Variants in RHOBTB2 observed in about 807,000 individuals in gnomAD.
RHOBTB2 encodes rho-related BTB domain-containing protein 2.
In RHOBTB2, 39 loss-of-function variants were observed where a neutral mutation model predicts 66.5. The ratio of observed to expected loss-of-function variants is 0.59; its 90% CI spans 0.45 to 0.77. RHOBTB2 has a LOEUF of 0.77. RHOBTB2 is among the 30% of genes least tolerant of loss of function. RHOBTB2 has a pLI of 0.00. For synonymous variants in RHOBTB2, 390 were observed against 395.0 expected (o/e 0.99, Z 0.15); for missense variants, 755 against 999.1 (o/e 0.76, Z 3.29).
In RHOBTB2 at chr8:23,004,942, A is replaced by G. The variant is rs1318569749; in HGVS notation, c.192+316A>G. 4 of 453,020 alleles carry G rather than the reference A, an allele frequency of 8.8e-6. No individual in the cohort carries two copies. The highest frequency in any genetic ancestry group is 3.9e-5 in the African/African-American group (2 of 50,704). The allele number at this position is 453,020 out of a possible 1,614,324, so 28.1% of individuals were successfully genotyped here. The stretch of plus-strand genomic sequence containing the variant: ...GCACTGGAGGGCTGGGGCTTGGAAG[A>G]GATACAAGCTGAGAGGAGCAAAGAA... On this transcript the variant is annotated intron_variant, in intron 2 of 9. Transcript: ENST00000251822. The surrounding 1 kb of genome is among the most constrained non-coding windows in gnomAD (Gnocchi z 6.4).
chr8:23,016,480 C>G (rs537519992), intron 9 of RHOBTB2, among the ~76,000 whole-genome samples: 1 of 152,058 alleles, frequency 6.6e-6, no homozygotes, highest in South Asian at 2.1e-4. Context: ...GGCACAATCT[C>G]GGCTCACTGC....
At chr8:22,998,253 T>G (rs1311456720), upstream of RHOBTB2, among the ~76,000 whole-genome samples, 1 of 152,202 alleles carries the variant, frequency 6.6e-6, no homozygotes, top group Admixed American at 6.5e-5. Flanking sequence ...TGGCAGTAAA[T>G]TTCTCTTCCT....
At chr8:22,978,882 A>T in the RHOBTB2 span, among the ~76,000 whole-genome samples, 1 of 152,142 alleles carries the variant, frequency 6.6e-6, no homozygotes, top group Non-Finnish European at 1.5e-5. Flanking sequence ...ACTTCCTGTT[A>T]TGTTTTCTTA....
upstream of RHOBTB2, among the ~76,000 whole-genome samples, chr8:22,986,140 TTCTCTCTCTC>T (rs58840002): frequency 5.4e-5 from 8 of 147,906 alleles, no homozygotes; most frequent in Non-Finnish European, 4.5e-5. Flanking sequence ...GACGGTGGAC[TTCTCTCTCTC>T]TCTCTCTCTC....
At chr8:22,997,158 G>A (rs1016438997), upstream of RHOBTB2, among the ~76,000 whole-genome samples, 8 of 152,258 alleles carry the variant, frequency 5.3e-5, no homozygotes, top group South Asian at 2.1e-4. Context: ...GTCCCCAGAC[G>A]GCCTAGGGTG....
At chr8:22,990,293 G>A (rs1171864549) in intron 1 of RHOBTB2, among the ~76,000 whole-genome samples, 1 of 152,196 alleles carries the variant, frequency 6.6e-6, no homozygotes, top group African/African-American at 2.4e-5. Flanking sequence ...GTACAGGCAG[G>A]TCAGGTGTAT....
At chr8:23,005,294 C>A in intron 2 of RHOBTB2, 78 bp from the exon 3 acceptor site, 1 of 1,072,424 alleles carries the variant, frequency 9.3e-7, no homozygotes, top group Non-Finnish European at 1.4e-6. Context: ...AGGTGTCAGC[C>A]GGCGCTTATC....
intron 1 of RHOBTB2, 134 bp downstream of exon 1, chr8:23,000,239 G>A: frequency 2.0e-6 from 1 of 510,402 alleles, no homozygotes; most frequent in Non-Finnish European, 2.5e-6. Context: ...TCTGGCTTCG[G>A]CTGCTGGGTA....
the RHOBTB2 span, among the ~76,000 whole-genome samples, chr8:22,981,828 C>T: frequency 6.6e-6 from 1 of 152,226 alleles, no homozygotes. Flanking sequence ...AGTTTAGGGT[C>T]TCAGCCTGGC....
At chr8:22,956,595 TGG>T in the RHOBTB2 span, among the ~76,000 whole-genome samples, 3 of 152,206 alleles carry the variant, frequency 2.0e-5, no homozygotes, top group Admixed American at 2.0e-4. Context: ...GTACAGCCTG[TGG>T]AATCATGAGC....
At chr8:22,959,176 A>T in the RHOBTB2 span, among the ~76,000 whole-genome samples, 1 of 152,258 alleles carries the variant, frequency 6.6e-6, no homozygotes, top group South Asian at 2.1e-4. Context: ...CCTTCGCCGC[A>T]CTACCCCAGC....
At chr8:23,015,551 C>T in intron 8 of RHOBTB2, 87 bp from the exon 9 acceptor site, 1 of 909,166 alleles carries the variant, frequency 1.1e-6, no homozygotes, top group South Asian at 1.5e-5. Flanking sequence ...TGCACCAGAG[C>T]TTCAGCTCTG....
Position 23,002,923 on chromosome 8 carries a change from G to A in RHOBTB2, c.-10-1502G>A, listed in dbSNP as rs371075272. ...ACTCGCACGGATCCCAGTTGCTATC[G>A]TTACTTGGATATTTCGGTCTGCATC... On this transcript the variant is annotated intron_variant, in intron 1 of 9. Transcript: ENST00000251822. Among the ~76,000 whole-genome samples the A allele has an allele frequency of 4.6e-5, 7 of 152,310 alleles. No individual in the cohort carries two copies. In the East Asian group the frequency reaches 1.2e-3, roughly 25 times the overall value.
the RHOBTB2 span, among the ~76,000 whole-genome samples, chr8:22,964,070 C>G: frequency 3.3e-5 from 5 of 152,124 alleles, no homozygotes; most frequent in Non-Finnish European, 7.3e-5. Flanking sequence ...CGTGAGTCAC[C>G]ATGCCCAGCC....
intron 2 of RHOBTB2, chr8:22,994,525 T>A: frequency 7.5e-7 from 1 of 1,331,080 alleles, no homozygotes; most frequent in Non-Finnish European, 1.1e-6. Flanking sequence ...CTGTCTCCCC[T>A]GCCCCGCCCC....
rs776112920 is a variant in RHOBTB2, at chr8:23,014,687, C to T, written c.1772-3C>T. Reference sequence around the variant, plus strand: ...AGCTGATTGGTGGCCGTGTGTGTTACAGAGCAGTACACAGTGACCGGGCTG... The same window carrying T: ...AGCTGATTGGTGGCCGTGTGTGTTATAGAGCAGTACACAGTGACCGGGCTG... On this transcript the variant is annotated splice_polypyrimidine_tract_variant and splice_region_variant and intron_variant, in intron 7 of 9. Transcript: ENST00000251822. The T allele has an allele frequency of 6.2e-7, 1 of 1,613,470 alleles. No individual in the cohort carries two copies. The highest frequency in any genetic ancestry group is 1.7e-5 in the Admixed American group (1 of 60,006).
rs1040553305 is a variant in RHOBTB2 at position 23,010,639 on chromosome 8, C to T, written c.1722C>T (p.Leu574=). 1 of 1,614,198 alleles carries T rather than the reference C, an allele frequency of 6.2e-7. No individual in the cohort carries two copies. Residue 574 remains leucine (L), a synonymous_variant, in exon 7 of 10, where the codon CTC becomes CTT. Coordinates refer to ENST00000251822, the MANE Select transcript of RHOBTB2 (RefSeq NM_015178.3). ...GCCCCGACCTGGATGACATGAAGCT[C>T]ATCATTCTAGCCAACCGCCTCTGCC... ...TSSPDLDDMK[L]IILANRLCLP...
Position 23,004,780 on chromosome 8 carries a change from G to A in RHOBTB2, c.192+154G>A. ...GCAGCTGAAGAGGAAGGAGCCCCTG[G>A]AGAGAGGTTTAAGCCAAGTCTGCCC... On this transcript the variant is annotated intron_variant, in intron 2 of 9. Transcript: ENST00000251822. This position sits in a 1 kb window ranked among gnomAD's most constrained non-coding sequence, Gnocchi z 6.4. 1 of 725,050 alleles carries A rather than the reference G, an allele frequency of 1.4e-6. No homozygotes were observed. 44.9% of individuals were successfully genotyped at this position (725,050 alleles called of 1,614,324 possible).
Position 23,007,616 on chromosome 8 carries a change from C to A in RHOBTB2, c.1371C>A (p.Val457=), listed in dbSNP as rs1283726224. 1 of 1,614,180 alleles carries A rather than the reference C, an allele frequency of 6.2e-7. No individual in the cohort carries two copies. Among genetic ancestry groups the A allele is most frequent in the Non-Finnish European group, 8.5e-7 (1 of 1,180,030 alleles). The change falls in exon 5 of 10, where the codon GTC becomes GTA. Residue 457 remains valine (V), a synonymous_variant. Coordinates refer to ENST00000251822, the MANE Select transcript of RHOBTB2 (RefSeq NM_015178.3). ...HIAHIAELLE[V]FDLRMMVANI... ...CCCACATTGCTGAGCTGCTCGAGGT[C>A]TTTGATCTGCGCATGATGGTGGCCA...
Sources: gnomAD v4.1 joint callset for allele counts (sites outside exome capture counted in the v4.1 genomes callset) on GRCh38, gnomAD v4.1.1 for gene constraint, Gnocchi (gnomAD v3.1) non-coding constraint, MANE v1.5 for transcripts, NCBI Gene and HGNC (gene_info 2026-07-23, HGNC 2026-07-21) for gene names.